The following DNAI4 variants were observed in gnomAD, a reference collection of about 807,000 sequenced individuals.
DNAI4 encodes the protein dynein axonemal intermediate chain 4, also known as WD repeat domain 78.
DNAI4 carries 85 observed loss-of-function variants against 105.8 expected under a neutral mutation model. The ratio of observed to expected loss-of-function variants is 0.80; its 90% CI spans 0.67 to 0.96. The LOEUF (loss-of-function observed/expected upper bound fraction) is 0.96, where lower values mean the gene tolerates loss of function less well. DNAI4 is among the 40% of genes least tolerant of loss of function. The pLI, the probability that DNAI4 is intolerant of heterozygous loss-of-function variation, is 0.00. For missense variants in DNAI4, 1,014 were observed against 1,005.6 expected (o/e 1.01, Z -0.11); for synonymous variants, 352 against 331.5 (o/e 1.06, Z -0.67).
chr1:66,894,423 G>A (rs565191505), intron 2 of DNAI4, among the ~76,000 whole-genome samples: 1 of 152,140 alleles, frequency 6.6e-6, no homozygotes, highest in East Asian at 1.9e-4. Flanking sequence ...TCAGTTGTAT[G>A]AGCTGCAAAT....
At chr1:66,850,210 A>G (rs1372242418) in intron 7 of DNAI4, among the ~76,000 whole-genome samples, 2 of 151,828 alleles carry the variant, frequency 1.3e-5, no homozygotes, top group African/African-American at 4.8e-5. Flanking sequence ...GGGGGAAAAT[A>G]CTTTGAATAG....
intron 7 of DNAI4, among the ~76,000 whole-genome samples, chr1:66,861,728 C>T (rs1023118540): frequency 6.6e-6 from 1 of 152,144 alleles, no homozygotes; most frequent in South Asian, 2.1e-4. Flanking sequence ...TGTCTCCAGA[C>T]ATCCAAATGT....
At chr1:66,836,254 G>GAGAAA (rs1646007800) in intron 10 of DNAI4, among the ~76,000 whole-genome samples, 2 of 99,008 alleles carry the variant, frequency 2.0e-5, no homozygotes, top group East Asian at 2.8e-4. Context: ...AAGAGAGAGA[G>GAGAAA]AGAAAGAAAG....
intron 7 of DNAI4, among the ~76,000 whole-genome samples, chr1:66,849,702 T>C (rs1437986626): frequency 6.6e-6 from 1 of 152,096 alleles, no homozygotes; most frequent in Non-Finnish European, 1.5e-5. Flanking sequence ...TAGAAAGTCT[T>C]AGCTAATGAA....
chr1:66,921,895 A>ATTTTTTT (rs71058482), intron 1 of DNAI4, among the ~76,000 whole-genome samples: 1 of 124,464 alleles, frequency 8.0e-6, no homozygotes. Flanking sequence ...ACTTGTAGAA[A>ATTTTTTT]TTTTTTTTTT....
chr1:66,923,878 C>T (rs1334042374), intron 1 of DNAI4, among the ~76,000 whole-genome samples: 1 of 152,206 alleles, frequency 6.6e-6, no homozygotes, highest in African/African-American at 2.4e-5. Context: ...GACAAGTCCA[C>T]ACAGCTGTGT....
chr1:66,867,845 A>G (rs1646765062), intron 6 of DNAI4, among the ~76,000 whole-genome samples: 1 of 152,214 alleles, frequency 6.6e-6, no homozygotes, highest in Non-Finnish European at 1.5e-5. Context: ...ACAAACTTGA[A>G]GAGTTACTGT....
At chr1:66,893,089 G>A (rs1228119549) in intron 3 of DNAI4, 140 bp downstream of exon 3, 1 of 408,596 alleles carries the variant, frequency 2.4e-6, no homozygotes, top group African/African-American at 2.2e-5. Context: ...AAGAAAGAAA[G>A]AAAGAAAGAA....
chr1:66,834,627 GC>G (rs1242585526), intron 11 of DNAI4, among the ~76,000 whole-genome samples: 3 of 151,902 alleles, frequency 2.0e-5, no homozygotes, highest in Non-Finnish European at 4.4e-5. Context: ...CTTCAAGATT[GC>G]CCATTGGTTT....
At chr1:66,896,523 G>A (rs1318091089) in intron 2 of DNAI4, among the ~76,000 whole-genome samples, 3 of 152,186 alleles carry the variant, frequency 2.0e-5, no homozygotes, top group African/African-American at 7.2e-5. Context: ...CAATGCAGCA[G>A]TGTTGAGAGC....
At chr1:66,892,957 G>GAAAGAAAGAA (rs1313707467) in intron 3 of DNAI4, among the ~76,000 whole-genome samples, 3 of 103,916 alleles carry the variant, frequency 2.9e-5, no homozygotes, top group African/African-American at 1.3e-4. Context: ...AGAGAAGAAA[G>GAAAGAAAGAA]AAAGAAAGAA....
Position 66,891,023 on chromosome 1 carries a change from T to C in DNAI4, c.643+131A>G, listed in dbSNP as rs191477104. 215 of 768,956 alleles carry C rather than the reference T, an allele frequency of 2.8e-4. No individual in the cohort carries two copies. The African/African-American group carries it at 3.3e-3, about 12-fold the overall frequency. 47.6% of individuals were successfully genotyped at this position (768,956 alleles called of 1,614,324 possible). Reference sequence around the variant, plus strand: ...AATAGATATTCCCCTGGTAATTCTCTTGAAGCGACTTCACAAGCCAGCATT... The same window carrying C: ...AATAGATATTCCCCTGGTAATTCTCCTGAAGCGACTTCACAAGCCAGCATT... On this transcript the variant is annotated intron_variant, in intron 4 of 16. Coordinates refer to ENST00000371026, the MANE Select transcript of DNAI4 (RefSeq NM_024763.5).
At chr1:66,821,248 G>C (rs190443183) in intron 16 of DNAI4, among the ~76,000 whole-genome samples, 173 of 151,688 alleles carry the variant, frequency 1.1e-3, no homozygotes, top group African/African-American at 4.0e-3. Flanking sequence ...ACAGGCACCC[G>C]CCACTACACC....
Position 66,840,600 on chromosome 1 carries a change from T to C in DNAI4, c.1363A>G (p.Lys455Glu). 6.2e-7 allele frequency: 1 copy of C among 1,614,176 alleles called. No individual in the cohort carries two copies. The change falls in exon 9 of 17, where the codon AAG (lysine) becomes GAG (glutamate). Residue 455 changes from lysine (K) to glutamate (E), a missense_variant. By Grantham distance (56) the Lys-to-Glu change is moderately conservative (BLOSUM62 1). Transcript: ENST00000371026. ...GCATGTATTTCTTCTTCCTCCTCCT[T>C]CTTAGATTCTTCCTCTACCTCTTCA... ...KHEEVEEESKKEEEEEIHAEE... is the reference protein window; with the variant it reads ...KHEEVEEESKEEEEEEIHAEE...
intron 1 of DNAI4, among the ~76,000 whole-genome samples, chr1:66,917,850 A>G (rs1408478460): frequency 6.6e-6 from 1 of 152,230 alleles, no homozygotes; most frequent in Non-Finnish European, 1.5e-5. Flanking sequence ...CTTTGACTGA[A>G]ATAGTGTGCT....
intron 6 of DNAI4, among the ~76,000 whole-genome samples, chr1:66,863,537 C>A (rs1433348904): frequency 2.6e-5 from 4 of 152,142 alleles, no homozygotes; most frequent in Non-Finnish European, 4.4e-5. Flanking sequence ...CAGTTCACTG[C>A]AACCTATGTG....
chr1:66,858,465 C>T (rs1244565122), intron 7 of DNAI4, among the ~76,000 whole-genome samples: 3 of 141,774 alleles, frequency 2.1e-5, no homozygotes, highest in African/African-American at 8.0e-5. Context: ...CCCAGGAGGC[C>T]GGGCTTGCAG....
At chr1:66,868,555 A>G (rs1200431296) in intron 6 of DNAI4, among the ~76,000 whole-genome samples, 1 of 152,152 alleles carries the variant, frequency 6.6e-6, no homozygotes, top group Non-Finnish European at 1.5e-5. Flanking sequence ...CTGCCTGATT[A>G]CTTCAGTAGG....
intron 11 of DNAI4, among the ~76,000 whole-genome samples, 182 bp from the exon 12 acceptor site, chr1:66,834,330 A>C (rs1230362436): frequency 1.3e-5 from 2 of 152,038 alleles, no homozygotes; most frequent in African/African-American, 4.8e-5. Context: ...CCACTTTTCT[A>C]CTTAATACTC....
Sources: allele counts gnomAD v4.1 joint callset (sites outside exome capture counted in the v4.1 genomes callset), GRCh38; gene constraint gnomAD v4.1.1; transcripts MANE v1.5; gene names NCBI Gene and HGNC (gene_info 2026-07-23, HGNC 2026-07-21).